ERCC6: variants seen among roughly 807,000 people sequenced by gnomAD.
The protein encoded by ERCC6 is ERCC excision repair 6, chromatin remodeling factor.
Under a neutral mutation model 158.7 loss-of-function variants are expected in ERCC6, and 116 were observed. That is an observed-to-expected ratio of 0.73 (90% CI 0.63 to 0.85). ERCC6 has a LOEUF of 0.85. ERCC6 is among the 40% of genes least tolerant of loss of function. The pLI, the probability that ERCC6 is intolerant of heterozygous loss-of-function variation, is 0.00. For missense variants in ERCC6, 1,698 were observed against 1,799.4 expected (o/e 0.94, Z 1.02); for synonymous variants, 678 against 659.3 (o/e 1.03, Z -0.43).
At chr10:49,478,888 A>G (rs762322440) in intron 10 of ERCC6, among the ~76,000 whole-genome samples, 18 of 152,224 alleles carry the variant, frequency 1.2e-4, no homozygotes, top group Non-Finnish European at 2.1e-4. Context: ...AAAAGCTACA[A>G]AGGAACTCTG....
Position 49,461,491 on chromosome 10 carries a change from C to A in ERCC6, c.3844G>T (p.Val1282Leu). The A allele has an allele frequency of 6.2e-7, 1 of 1,614,138 alleles. No individual in the cohort carries two copies. The highest frequency in any genetic ancestry group is 1.7e-5 in the Admixed American group (1 of 60,020). Residue 1282 changes from valine (V) to leucine (L), a missense_variant, in exon 19 of 21, where the codon GTG (valine) becomes TTG (leucine). Coordinates refer to ENST00000355832, the MANE Select transcript of ERCC6 (RefSeq NM_000124.4). ...MDGASPDYVLVEAEANRVAQD... is the reference protein window; with the variant it reads ...MDGASPDYVLLEAEANRVAQD... ...GCCACTCGGTTGGCTTCTGCCTCCA[C>A]CAGTACATAATCTGGGCTGGCTCCA... is the stretch of plus-strand genomic sequence containing the variant.
chr10:49,474,005 C>T (rs745984774), intron 13 of ERCC6, 22 bp downstream of exon 13: 10 of 1,605,878 alleles, frequency 6.2e-6, no homozygotes, highest in East Asian at 4.5e-5. Flanking sequence ...GCCTGTTTCC[C>T]GTCTGAAGTC....
At chr10:49,529,469 A>G (rs1837418385) in intron 3 of ERCC6, among the ~76,000 whole-genome samples, 1 of 152,220 alleles carries the variant, frequency 6.6e-6, no homozygotes. Flanking sequence ...TAGAAGCCCA[A>G]GAAGGTCTCT....
chr10:49,470,621 T>A lies in ERCC6; in HGVS notation c.3339A>T (p.Ala1113=). The change falls in exon 18 of 21, where the codon GCA becomes GCT. Residue 1113 remains alanine (A), a synonymous_variant. Coordinates refer to ENST00000355832, the MANE Select transcript of ERCC6 (RefSeq NM_000124.4). ...SNDRLGEETN[A]VSGPEELSVI... is the part of the protein sequence containing the mutation. ...CTGACAACTCTTCTGGTCCAGATACTGCATTTGTCTCTTCTCCAAGCCTAT... is the reference window on the plus strand; with the variant it reads ...CTGACAACTCTTCTGGTCCAGATACAGCATTTGTCTCTTCTCCAAGCCTAT... The A allele has an allele frequency of 6.2e-7, 1 of 1,613,606 alleles. No homozygotes were observed.
At chr10:49,464,972 C>A (rs1850648128) in intron 18 of ERCC6, among the ~76,000 whole-genome samples, 1 of 152,206 alleles carries the variant, frequency 6.6e-6, no homozygotes, top group Admixed American at 6.5e-5. Context: ...CCTACTGGGG[C>A]ACCACCTAGT....
intron 8 of ERCC6, 66 bp downstream of exon 8, chr10:49,493,050 GA>G: frequency 6.4e-7 from 1 of 1,563,408 alleles, no homozygotes. Context: ...ATGGATCAGA[GA>G]AAAACCAAAT....
In ERCC6 at chr10:49,483,390, T is replaced by C; in HGVS notation, c.1948A>G (p.Lys650Glu). The C allele has an allele frequency of 6.2e-7, 1 of 1,614,192 alleles. No individual in the cohort carries two copies. Among genetic ancestry groups the C allele is most frequent in the South Asian group, 1.1e-5 (1 of 91,086 alleles). Reference protein sequence around the residue: ...WHYVILDEGHKIRNPNAAVTL... With the variant: ...WHYVILDEGHEIRNPNAAVTL... ...ACAGCAGCATTTGGATTTCGAATTT[T>C]GTGTCCTTCGTCCAAGATCACATAG... Residue 650 changes from lysine to glutamate, a missense_variant, in exon 9 of 21, where the codon AAA (lysine) becomes GAA (glutamate). Physicochemically the swap from Lys to Glu is moderately conservative, Grantham distance 56 (BLOSUM62 1). Transcript: ENST00000355832.
At chr10:49,513,420 A>T (rs1253536131) in intron 5 of ERCC6, among the ~76,000 whole-genome samples, 1 of 152,224 alleles carries the variant, frequency 6.6e-6, no homozygotes, top group African/African-American at 2.4e-5. Context: ...TATTTTAAGT[A>T]TTTCACATTT....
At chr10:49,507,933 CTTT>C (rs1360767214) in intron 5 of ERCC6, among the ~76,000 whole-genome samples, 3 of 4,976 alleles carry the variant, frequency 6.0e-4, no homozygotes, top group Non-Finnish European at 2.8e-3. Context: ...TATATATACA[CTTT>C]CCTGATACAC....
intron 16 of ERCC6, 104 bp from the exon 17 acceptor site, chr10:49,471,224 A>G: frequency 8.9e-7 from 1 of 1,123,630 alleles, no homozygotes; most frequent in East Asian, 2.4e-5. Context: ...CTGCTGCATG[A>G]ATGGCTAAAT....
chr10:49,528,819 C>T (rs561616372), intron 3 of ERCC6, among the ~76,000 whole-genome samples: 1 of 152,284 alleles, frequency 6.6e-6, no homozygotes, highest in Non-Finnish European at 1.5e-5. Flanking sequence ...TACATGGGCA[C>T]TGACCTGAAA....
intron 12 of ERCC6, among the ~76,000 whole-genome samples, chr10:49,475,800 G>A (rs1427585646): frequency 6.6e-6 from 1 of 152,144 alleles, no homozygotes; most frequent in African/African-American, 2.4e-5. Flanking sequence ...TTGGGGAATG[G>A]GGCTCCTTTA....
chr10:49,464,149 A>G (rs548687523), intron 18 of ERCC6, among the ~76,000 whole-genome samples: 1 of 152,332 alleles, frequency 6.6e-6, no homozygotes, highest in South Asian at 2.1e-4. Context: ...AGTGATATGA[A>G]CAGTAAGGTC....
At chr10:49,496,991 G>A (rs10857499) in intron 7 of ERCC6, among the ~76,000 whole-genome samples, 12,647 of 152,194 alleles carry the variant, frequency 0.083, 653 homozygotes, top group South Asian at 0.19. Context: ...ATACTCCAAC[G>A]TAACAAAATA....
rs112742944 is a variant in ERCC6 at position 49,482,913 on chromosome 10, C to T, written c.1993-50G>A. The T allele has an allele frequency of 4.2e-4, 674 of 1,597,434 alleles. 2 individuals are homozygous for T. The African/African-American group carries it at 7.9e-3, about 19-fold the overall frequency. ...TTTATTAAATTTACCTTTTAGCAAT[C>T]GCCATTCCTACCCTAAAACGCTCCT... On this transcript the variant is annotated intron_variant, in intron 9 of 20. Coordinates refer to ENST00000355832, the MANE Select transcript of ERCC6 (RefSeq NM_000124.4).
chr10:49,528,339 T>G (rs1305528966), intron 4 of ERCC6, 78 bp downstream of exon 4: 1 of 1,549,746 alleles, frequency 6.5e-7, no homozygotes, highest in Admixed American at 1.7e-5. Context: ...AGGCAAAGAC[T>G]AAAGAGACAC....
chr10:49,455,290 A>T lies in ERCC6; in HGVS notation c.*3525T>A, dbSNP rs1288527071. 2.0e-5 allele frequency: 3 copies of T among 152,230 alleles called. No individual in the cohort carries two copies. The highest frequency in any genetic ancestry group is 4.4e-5 in the Non-Finnish European group (3 of 68,048). The allele number at this position is 152,230 out of a possible 1,614,324, so 9.4% of individuals were successfully genotyped here. ...TTAATAAAATGAGGCCTATCATAAC[A>T]CTAATCAGAAACATTATATTAATTA... On this transcript the variant is annotated 3_prime_UTR_variant, in exon 21 of 21. Coordinates refer to ENST00000355832, the MANE Select transcript of ERCC6 (RefSeq NM_000124.4).
chr10:49,522,226 C>T (rs1837185117), intron 5 of ERCC6, among the ~76,000 whole-genome samples: 1 of 152,200 alleles, frequency 6.6e-6, no homozygotes, highest in Non-Finnish European at 1.5e-5. Flanking sequence ...ATTACCATTT[C>T]AATTAGTCTA....
At chr10:49,522,670 G>GA (rs1837199112) in intron 5 of ERCC6, among the ~76,000 whole-genome samples, 1 of 152,060 alleles carries the variant, frequency 6.6e-6, no homozygotes. Context: ...AATTTAATTG[G>GA]AAAAATATAT....
Sources: allele counts gnomAD v4.1 joint callset (sites outside exome capture counted in the v4.1 genomes callset), GRCh38; gene constraint gnomAD v4.1.1; transcripts MANE v1.5; gene names NCBI Gene and HGNC (gene_info 2026-07-23, HGNC 2026-07-21).